The following GABRG3 variants were observed in gnomAD, a reference collection of about 807,000 sequenced individuals.
The protein encoded by GABRG3 is gamma-aminobutyric acid receptor subunit gamma-3.
GABRG3 carries 25 observed loss-of-function variants against 48.8 expected under a neutral mutation model. The observed-to-expected ratio is 0.51, with a 90% confidence interval of 0.37 to 0.72. GABRG3 has a LOEUF of 0.72. Among genes scored for constraint, GABRG3 ranks in the 30% least tolerant of loss-of-function variants. GABRG3 has a pLI of 0.00. For missense variants in GABRG3, 394 were observed against 577.9 expected (o/e 0.68, Z 3.26); for synonymous variants, 227 against 217.6 (o/e 1.04, Z -0.38).
intron 5 of GABRG3, among the ~76,000 whole-genome samples, chr15:27,338,611 A>C (rs1049732195): frequency 6.6e-6 from 1 of 152,092 alleles, no homozygotes; most frequent in Admixed American, 6.5e-5. Flanking sequence ...CCATGCTCCT[A>C]GTTAGGTGCT....
chr15:27,268,284 T>C (rs1890982561), intron 3 of GABRG3, among the ~76,000 whole-genome samples: 1 of 152,208 alleles, frequency 6.6e-6, no homozygotes, highest in Admixed American at 6.5e-5. Context: ...ATAAGGAATA[T>C]GTCCATGTCA....
intron 3 of GABRG3, among the ~76,000 whole-genome samples, chr15:27,085,249 G>A (rs1429665415): frequency 6.6e-6 from 1 of 152,124 alleles, no homozygotes; most frequent in Non-Finnish European, 1.5e-5. Flanking sequence ...CTTGTTATTT[G>A]TAATTTTTTG....
intron 5 of GABRG3, among the ~76,000 whole-genome samples, chr15:27,355,303 T>G (rs1328736532): frequency 6.6e-6 from 1 of 152,048 alleles, no homozygotes; most frequent in Non-Finnish European, 1.5e-5. Flanking sequence ...ATAAGGTAAT[T>G]AAAAATGGGC....
chr15:27,285,256 T>G (rs1281721513), intron 3 of GABRG3, among the ~76,000 whole-genome samples: 8 of 1,956 alleles, frequency 4.1e-3, no homozygotes, highest in Non-Finnish European at 8.8e-3. Flanking sequence ...AGCTTTCAGG[T>G]GTGTGTGTGT....
intron 3 of GABRG3, among the ~76,000 whole-genome samples, chr15:27,053,949 A>G (rs1254602643): frequency 6.6e-6 from 1 of 152,224 alleles, no homozygotes; most frequent in Non-Finnish European, 1.5e-5. Flanking sequence ...AAAGATGGGA[A>G]TAGACACTGG....
intron 9 of GABRG3, among the ~76,000 whole-genome samples, chr15:27,530,281 G>A (rs898898573): frequency 1.3e-5 from 2 of 152,130 alleles, no homozygotes; most frequent in Non-Finnish European, 2.9e-5. Context: ...GGACACTCAC[G>A]GGGCTGCGCT....
chr15:27,063,708 C>G (rs528048059), intron 3 of GABRG3, among the ~76,000 whole-genome samples: 2 of 152,352 alleles, frequency 1.3e-5, no homozygotes, highest in East Asian at 3.9e-4. Flanking sequence ...CCTAAGACAG[C>G]ACCTTAGGAA....
At chr15:27,201,795 A>G (rs1159345406) in intron 3 of GABRG3, among the ~76,000 whole-genome samples, 2 of 152,216 alleles carry the variant, frequency 1.3e-5, no homozygotes, top group African/African-American at 4.8e-5. Flanking sequence ...AAAGTAAATA[A>G]TTTAGATACA....
At chr15:27,008,503 C>T (rs1469234124) in intron 2 of GABRG3, among the ~76,000 whole-genome samples, 1 of 152,274 alleles carries the variant, frequency 6.6e-6, no homozygotes, top group Non-Finnish European at 1.5e-5. Context: ...GAGATTCAGT[C>T]GAGAATTGAA....
At chr15:27,432,903 G>A (rs1233413578) in intron 5 of GABRG3, among the ~76,000 whole-genome samples, 1 of 152,182 alleles carries the variant, frequency 6.6e-6, no homozygotes, top group African/African-American at 2.4e-5. Context: ...GTCTAACACA[G>A]TTCTGCTAAG....
At chr15:27,028,368 A>G (rs995995638) in intron 3 of GABRG3, among the ~76,000 whole-genome samples, 1 of 152,160 alleles carries the variant, frequency 6.6e-6, no homozygotes, top group Non-Finnish European at 1.5e-5. Context: ...GGAGGGGCAC[A>G]TGGGGGCAGC....
chr15:27,286,295 T>C (rs1891609628), intron 3 of GABRG3, among the ~76,000 whole-genome samples: 1 of 152,210 alleles, frequency 6.6e-6, no homozygotes, highest in Admixed American at 6.5e-5. Flanking sequence ...CTCTCCAGCA[T>C]AAAGCAGGTG....
intron 6 of GABRG3, among the ~76,000 whole-genome samples, chr15:27,490,936 G>A (rs1201776819): frequency 6.6e-6 from 1 of 150,844 alleles, no homozygotes; most frequent in Admixed American, 6.6e-5. Flanking sequence ...CATTTCTGTG[G>A]CCATTGAAGA....
chr15:27,165,993 A>T (rs1887359155), intron 3 of GABRG3, among the ~76,000 whole-genome samples: 2 of 152,118 alleles, frequency 1.3e-5, no homozygotes, highest in African/African-American at 4.8e-5. Context: ...GACACCAGAC[A>T]GTGGGATGGG....
chr15:27,135,605 G>C (rs1309998748), intron 3 of GABRG3, among the ~76,000 whole-genome samples: 2 of 152,116 alleles, frequency 1.3e-5, no homozygotes, highest in African/African-American at 2.4e-5. Context: ...GTTCTTGTGA[G>C]AGTTAAAGGA....
At chr15:27,228,539 T>C (rs1176907457) in intron 3 of GABRG3, among the ~76,000 whole-genome samples, 3 of 152,328 alleles carry the variant, frequency 2.0e-5, no homozygotes, top group Middle Eastern at 3.4e-3. Context: ...CATGCATGTG[T>C]CTTTATGGTG....
intron 3 of GABRG3, 150 bp downstream of exon 3, chr15:27,026,971 G>T: frequency 2.3e-6 from 1 of 438,560 alleles, no homozygotes; most frequent in Non-Finnish European, 3.8e-6. Context: ...TATTGAAAAT[G>T]GTAAAAAAAA....
chr15:27,086,283 A>T (rs898521445), intron 3 of GABRG3, among the ~76,000 whole-genome samples: 2 of 152,180 alleles, frequency 1.3e-5, no homozygotes, highest in Admixed American at 1.3e-4. Context: ...TTCATCTGTG[A>T]GCAGCCTGCT....
At chr15:27,213,611 G>T (rs1252255626) in intron 3 of GABRG3, among the ~76,000 whole-genome samples, 1 of 152,200 alleles carries the variant, frequency 6.6e-6, no homozygotes, top group African/African-American at 2.4e-5. Context: ...AGGCCATCCT[G>T]GTTTGTTCTG....
Sources: allele counts gnomAD v4.1 joint callset (sites outside exome capture counted in the v4.1 genomes callset), GRCh38; gene constraint gnomAD v4.1.1; transcripts MANE v1.5; gene names NCBI Gene and HGNC (gene_info 2026-07-23, HGNC 2026-07-21).